The following ST8SIA2 variants were observed in gnomAD, a reference collection of about 807,000 sequenced individuals.
ST8SIA2 encodes the protein alpha-2,8-sialyltransferase 8B.
ST8SIA2 carries 22 observed loss-of-function variants against 37.6 expected under a neutral mutation model. The observed-to-expected ratio is 0.58, with a 90% CI of 0.42 to 0.83. The LOEUF (loss-of-function observed/expected upper bound fraction) is 0.83. Among genes scored for constraint, ST8SIA2 ranks in the 40% least tolerant of loss-of-function variants. The pLI is 0.00. For synonymous variants in ST8SIA2, 205 were observed against 201.2 expected (o/e 1.02, Z -0.16); for missense variants, 382 against 484.7 (o/e 0.79, Z 1.99).
chr15:92,423,429 A>T (rs1288432883), intron 1 of ST8SIA2, among the ~76,000 whole-genome samples: 3 of 152,246 alleles, frequency 2.0e-5, no homozygotes, highest in African/African-American at 7.2e-5. Context: ...TTAAAAACAA[A>T]TGGTTAAGAT....
chr15:92,422,052 G>A (rs1275235911), intron 1 of ST8SIA2, among the ~76,000 whole-genome samples: 1 of 152,162 alleles, frequency 6.6e-6, no homozygotes, highest in Admixed American at 6.5e-5. Flanking sequence ...TTAAGTACCT[G>A]CATAGTACCA....
At chr15:92,431,035 A>G (rs1359275303) in intron 2 of ST8SIA2, among the ~76,000 whole-genome samples, 1 of 152,134 alleles carries the variant, frequency 6.6e-6, no homozygotes, top group Non-Finnish European at 1.5e-5. Flanking sequence ...TGTCCCTGAC[A>G]TCATTGCTTC....
At chr15:92,416,977 C>G (rs1447741063) in intron 1 of ST8SIA2, among the ~76,000 whole-genome samples, 1 of 152,192 alleles carries the variant, frequency 6.6e-6, no homozygotes, top group Middle Eastern at 3.2e-3. Context: ...ACCAACTTAC[C>G]CAAGGACAGC....
intron 2 of ST8SIA2, 72 bp downstream of exon 2, chr15:92,430,183 T>C: frequency 1.4e-6 from 2 of 1,436,060 alleles, no homozygotes; most frequent in Non-Finnish European, 1.9e-6. Flanking sequence ...TCTTCTTTGC[T>C]GGATGGTGCC....
intron 1 of ST8SIA2, among the ~76,000 whole-genome samples, chr15:92,407,309 G>C (rs1032676692): frequency 6.6e-6 from 1 of 152,216 alleles, no homozygotes; most frequent in African/African-American, 2.4e-5. Context: ...AATGAGGCCT[G>C]AGGCATAAGA....
intron 5 of ST8SIA2, among the ~76,000 whole-genome samples, chr15:92,459,153 C>T (rs2049940580): frequency 6.6e-6 from 1 of 152,140 alleles, no homozygotes; most frequent in Admixed American, 6.5e-5. Context: ...ACATTGATGG[C>T]CTGAAAAGAA....
chr15:92,408,508 G>T (rs1308174379), intron 1 of ST8SIA2, among the ~76,000 whole-genome samples: 1 of 152,108 alleles, frequency 6.6e-6, no homozygotes, highest in Non-Finnish European at 1.5e-5. Flanking sequence ...GGGAAGGGAT[G>T]AAGGGGAGGG....
chr15:92,409,339 C>T lies in ST8SIA2; in HGVS notation c.98+15177C>T, dbSNP rs72766145. 1.2e-3 allele frequency among the ~76,000 whole-genome samples: 179 copies of T among 152,260 alleles called. 1 individual carries two copies. Among genetic ancestry groups the T allele is most frequent in the Admixed American group, 2.6e-3 (40 of 15,304 alleles). On this transcript the variant is annotated intron_variant, in intron 1 of 5. Transcript: ENST00000268164. ...ACCTAATCTTACCTTTTGAAGCTCA[C>T]GCATTTGGGAGTTGAGATCAATTGA...
chr15:92,461,731 A>G (rs866283717), intron 5 of ST8SIA2, among the ~76,000 whole-genome samples: 2 of 152,198 alleles, frequency 1.3e-5, no homozygotes, highest in Admixed American at 6.5e-5. Flanking sequence ...TTTCTGAACT[A>G]TGGAACTTGG....
rs548789904 is a variant in ST8SIA2, at chr15:92,465,904, C to T, written c.*1519C>T. ...AAATAGCCAGCTTGAATTTGTTAGT[C>T]GTATTCCTTCACCTGATGAATAACA... On this transcript the variant is annotated 3_prime_UTR_variant, in exon 6 of 6. Transcript: ENST00000268164. The T allele has an allele frequency of 4.6e-5, 7 of 152,224 alleles. No individual in the cohort carries two copies. Among genetic ancestry groups the T allele is most frequent in the African/African-American group, 7.2e-5 (3 of 41,532 alleles). The allele number at this position is 152,224 out of a possible 1,614,324, so 9.4% of individuals were successfully genotyped here.
chr15:92,438,418 C>G lies in ST8SIA2; in HGVS notation c.356C>G (p.Pro119Arg), dbSNP rs769110760. ...DISVLKGTLK[P>R]GDIIHYIFDR... ...TCTGTCCTAAAGGGAACCCTGAAGCCTGGAGATATTATTCATTACATCTTC... is the reference window on the plus strand; with the variant it reads ...TCTGTCCTAAAGGGAACCCTGAAGCGTGGAGATATTATTCATTACATCTTC... Residue 119 changes from proline to arginine, a missense_variant, in exon 4 of 6, where the codon CCT becomes CGT. By Grantham distance (103) the Pro-to-Arg change is moderately radical. Coordinates refer to ENST00000268164, the MANE Select transcript of ST8SIA2 (RefSeq NM_006011.4). 1 of 1,614,198 alleles carries G rather than the reference C, an allele frequency of 6.2e-7. No individual in the cohort carries two copies. The highest frequency in any genetic ancestry group is 8.5e-7 in the Non-Finnish European group (1 of 1,180,044).
chr15:92,396,303 T>A (rs2049429784), intron 1 of ST8SIA2, among the ~76,000 whole-genome samples: 1 of 152,182 alleles, frequency 6.6e-6, no homozygotes, highest in Non-Finnish European at 1.5e-5. Context: ...ATGGGCACTC[T>A]TGCCCCACCC....
At chr15:92,430,626 T>C (rs2049708634) in intron 2 of ST8SIA2, among the ~76,000 whole-genome samples, 1 of 152,216 alleles carries the variant, frequency 6.6e-6, no homozygotes, top group South Asian at 2.1e-4. Flanking sequence ...CATGTAATGG[T>C]GCAGAACAGT....
Position 92,438,467 on chromosome 15 carries a change from G to A in ST8SIA2, c.405G>A (p.Val135=), listed in dbSNP as rs2141834377. The stretch of plus-strand genomic sequence containing the variant: ...TCGATCGAGACAGCACCATGAATGT[G>A]TCCCAGAACCTCTACGAGCTCCTCC... ...YIFDRDSTMN[V]SQNLYELLPR... is the part of the protein sequence containing the mutation. Residue 135 remains valine (V), a synonymous_variant, in exon 4 of 6, where the codon GTG becomes GTA. Transcript: ENST00000268164. 1 of 1,614,210 alleles carries A rather than the reference G, an allele frequency of 6.2e-7. No individual in the cohort carries two copies. Among genetic ancestry groups the A allele is most frequent in the Non-Finnish European group, 8.5e-7 (1 of 1,180,042 alleles).
intron 1 of ST8SIA2, among the ~76,000 whole-genome samples, chr15:92,397,978 C>T (rs1422935946): frequency 6.6e-6 from 1 of 152,056 alleles, no homozygotes; most frequent in African/African-American, 2.4e-5. Context: ...ACTAAAAGTA[C>T]AAAAATTAGC....
intron 5 of ST8SIA2, among the ~76,000 whole-genome samples, chr15:92,448,083 C>T (rs1345271952): frequency 6.6e-6 from 1 of 152,180 alleles, no homozygotes; most frequent in African/African-American, 2.4e-5. Context: ...CTATAACTGA[C>T]TCACTTTCAT....
chr15:92,394,026 G>T lies in ST8SIA2; in HGVS notation c.-39G>T, dbSNP rs1435031633. On this transcript the variant is annotated 5_prime_UTR_variant, in exon 1 of 6. Coordinates refer to ENST00000268164, the MANE Select transcript of ST8SIA2 (RefSeq NM_006011.4). Reference sequence around the variant, plus strand: ...CTGCGCCCTCCGGCCCCTGCTCCTCGCGCCGGCCCGCGTGGGTCCCGGCGG... The same window carrying T: ...CTGCGCCCTCCGGCCCCTGCTCCTCTCGCCGGCCCGCGTGGGTCCCGGCGG... 2 of 1,511,282 alleles carry T rather than the reference G, an allele frequency of 1.3e-6. No homozygotes were observed. Among genetic ancestry groups the T allele is most frequent in the Non-Finnish European group, 1.8e-6 (2 of 1,121,716 alleles). 93.6% of individuals were successfully genotyped at this position (1,511,282 alleles called of 1,614,324 possible). A position where few individuals can be genotyped will look rare whatever the true frequency, so the allele number is the denominator to read the frequency against.
In ST8SIA2 at chr15:92,444,897, C is replaced by G. The variant is rs1375310199; in HGVS notation, c.810C>G (p.Tyr270Ter). 1 of 1,612,846 alleles carries G rather than the reference C, an allele frequency of 6.2e-7. No homozygotes were observed. The highest frequency in any genetic ancestry group is 8.5e-7 in the Non-Finnish European group (1 of 1,180,054). ...ACCACGTCAACGTGCGCACTGCATA[C>G]CCCTCGCTGCGCCTGCTGCACGCCG... Reference protein sequence around the residue: ...LKHHVNVRTAYPSLRLLHAVR... With the variant: ...LKHHVNVRTA The change falls in exon 5 of 6, where the codon TAC (tyrosine) becomes TAG (stop). Residue 270 changes from tyrosine (Y) to a stop codon, truncating the protein, a stop_gained. Transcript: ENST00000268164. LOFTEE classifies it high-confidence loss of function.
intron 4 of ST8SIA2, among the ~76,000 whole-genome samples, chr15:92,441,485 C>G (rs1056599092): frequency 6.6e-6 from 1 of 152,134 alleles, no homozygotes; most frequent in African/African-American, 2.4e-5. Context: ...CACGATCCTG[C>G]AGTGCCAGGC....
Sources: gnomAD v4.1 joint callset for allele counts (sites outside exome capture counted in the v4.1 genomes callset) on GRCh38, gnomAD v4.1.1 for gene constraint, MANE v1.5 for transcripts, NCBI Gene and HGNC (gene_info 2026-07-23, HGNC 2026-07-21) for gene names.